KIAA0232: variants seen among roughly 807,000 people sequenced by gnomAD.
KIAA0232 encodes the protein KIAA0232, also known as uncharacterized protein KIAA0232.
In KIAA0232, 27 loss-of-function variants were observed where a neutral mutation model predicts 122.0. That is an observed-to-expected ratio of 0.22 (90% CI 0.16 to 0.31). The LOEUF is 0.31. Ranked by LOEUF, KIAA0232 falls within the 10% of genes least tolerant of loss-of-function variation. The pLI is 1.00. For missense variants in KIAA0232, 1,551 were observed against 1,634.2 expected (o/e 0.95, Z 0.88); for synonymous variants, 613 against 587.6 (o/e 1.04, Z -0.63).
At chr4:6,813,368 T>G (rs1435395573) in intron 2 of KIAA0232, among the ~76,000 whole-genome samples, 3 of 152,036 alleles carry the variant, frequency 2.0e-5, no homozygotes, top group Non-Finnish European at 4.4e-5. Context: ...TTTTTTTGTT[T>G]TTTGTTTTTT....
chr4:6,868,107 C>T lies in KIAA0232; in HGVS notation c.3802-3467C>T, dbSNP rs538815837. ...TAAAACTAAAACCAAGCACCTTTCT[C>T]TTTACCCAAACTAGGAGTATTCTGT... On this transcript the variant is annotated intron_variant, in intron 7 of 9. Coordinates refer to ENST00000307659, the MANE Select transcript of KIAA0232 (RefSeq NM_014743.3). Among the ~76,000 whole-genome samples, 13 of 152,344 alleles carry T rather than the reference C, an allele frequency of 8.5e-5. No homozygotes were observed. The South Asian group carries it at 2.5e-3, about 29-fold the overall frequency.
intron 7 of KIAA0232, among the ~76,000 whole-genome samples, chr4:6,865,914 A>G (rs745644035): frequency 3.3e-4 from 50 of 152,244 alleles, no homozygotes; most frequent in Non-Finnish European, 6.6e-4. Context: ...ATCCTGGACT[A>G]TAAGCTCCTT....
intron 2 of KIAA0232, among the ~76,000 whole-genome samples, chr4:6,821,729 TACC>T (rs1718436216): frequency 6.6e-6 from 1 of 151,980 alleles, no homozygotes. Context: ...TATATACATA[TACC>T]ACAATTTCTT....
chr4:6,853,012 A>G (rs1277919409), intron 4 of KIAA0232, among the ~76,000 whole-genome samples: 2 of 152,208 alleles, frequency 1.3e-5, no homozygotes, highest in Non-Finnish European at 2.9e-5. Flanking sequence ...TCTGACAGTT[A>G]CTTTCTGGAG....
intron 4 of KIAA0232, among the ~76,000 whole-genome samples, chr4:6,848,746 A>G (rs1489815308): frequency 1.3e-5 from 2 of 152,374 alleles, no homozygotes; most frequent in African/African-American, 2.4e-5. Context: ...CAATACAATG[A>G]TAACATTTAT....
chr4:6,860,812 A>C, intron 6 of KIAA0232, 89 bp from the exon 7 acceptor site: 1 of 1,114,466 alleles, frequency 9.0e-7, no homozygotes, highest in Non-Finnish European at 1.3e-6. Flanking sequence ...CTAAAATGAA[A>C]TATTCCATTC....
chr4:6,795,678 G>A (rs1453722504), intron 1 of KIAA0232, among the ~76,000 whole-genome samples: 1 of 152,074 alleles, frequency 6.6e-6, no homozygotes, highest in Non-Finnish European at 1.5e-5. Context: ...TTGCAGCCTT[G>A]GTCTCCCAGG....
chr4:6,788,667 C>T (rs767741370), intron 1 of KIAA0232, among the ~76,000 whole-genome samples: 23 of 152,126 alleles, frequency 1.5e-4, no homozygotes, highest in Non-Finnish European at 3.1e-4. Context: ...TTACATAGTA[C>T]TCATTTGTTA....
chr4:6,862,306 T>C lies in KIAA0232; in HGVS notation c.1924T>C (p.Ser642Pro), dbSNP rs1049661710. The stretch of plus-strand genomic sequence containing the variant: ...GCTCTTTTCAGATATTAATGAAGGA[T>C]CTGGTATAAACTCTTGTTTTTCAGT... ...QELFSDINEGSGINSCFSVFE... is the reference protein window; with the variant it reads ...QELFSDINEGPGINSCFSVFE... Residue 642 changes from serine to proline, a missense_variant, in exon 7 of 10, where the codon TCT becomes CCT. Physicochemically the swap from Ser to Pro is moderately conservative, Grantham distance 74. Transcript: ENST00000307659. The C allele has an allele frequency of 6.2e-7, 1 of 1,612,988 alleles. No homozygotes were observed. Among genetic ancestry groups the C allele is most frequent in the Non-Finnish European group, 8.5e-7 (1 of 1,179,066 alleles).
At chr4:6,807,145 C>G (rs1717666281) in intron 2 of KIAA0232, among the ~76,000 whole-genome samples, 1 of 152,040 alleles carries the variant, frequency 6.6e-6, no homozygotes, top group African/African-American at 2.4e-5. Flanking sequence ...AGTGTTGTTC[C>G]TGCCTCAGCT....
intron 3 of KIAA0232, among the ~76,000 whole-genome samples, chr4:6,841,799 A>G (rs911028248): frequency 6.6e-6 from 1 of 152,260 alleles, no homozygotes; most frequent in African/African-American, 2.4e-5. Flanking sequence ...GAAAGAAATC[A>G]AAGAAGACCT....
At chr4:6,815,873 A>G (rs1274718524) in intron 2 of KIAA0232, among the ~76,000 whole-genome samples, 11 of 152,194 alleles carry the variant, frequency 7.2e-5, no homozygotes, top group Non-Finnish European at 1.5e-5. Flanking sequence ...TGGGCGTTCA[A>G]TATGCTTTGC....
chr4:6,815,417 C>T (rs1002998109), intron 2 of KIAA0232, among the ~76,000 whole-genome samples: 7 of 152,204 alleles, frequency 4.6e-5, no homozygotes, highest in African/African-American at 1.7e-4. Context: ...CAAATGTTTA[C>T]CCCTCTACCA....
At chr4:6,795,427 C>T (rs1417972533) in intron 1 of KIAA0232, among the ~76,000 whole-genome samples, 1 of 152,096 alleles carries the variant, frequency 6.6e-6, no homozygotes, top group East Asian at 1.9e-4. Flanking sequence ...TGCGCTGTGT[C>T]AATTATGTAC....
chr4:6,796,142 T>C (rs1462560424), intron 1 of KIAA0232, among the ~76,000 whole-genome samples: 1 of 152,138 alleles, frequency 6.6e-6, no homozygotes, highest in Non-Finnish European at 1.5e-5. Flanking sequence ...AGAAACTAGG[T>C]CTAATTAATA....
At chr4:6,870,077 C>T (rs541545704) in intron 7 of KIAA0232, among the ~76,000 whole-genome samples, 1 of 152,280 alleles carries the variant, frequency 6.6e-6, no homozygotes, top group East Asian at 1.9e-4. Context: ...AGGGGGTTGC[C>T]CTGACTGCCA....
intron 1 of KIAA0232, among the ~76,000 whole-genome samples, chr4:6,797,704 TGCAGTGA>T (rs1489598636): frequency 1.4e-5 from 2 of 146,688 alleles, no homozygotes; most frequent in African/African-American, 5.1e-5. Flanking sequence ...AATTCCAGGC[TGCAGTGA>T]GCCATGATTG....
intron 2 of KIAA0232, among the ~76,000 whole-genome samples, chr4:6,808,728 A>C (rs1361950750): frequency 6.6e-6 from 1 of 151,926 alleles, no homozygotes; most frequent in East Asian, 1.9e-4. Context: ...GTGTGATCTG[A>C]GTTGGTTTTT....
Position 6,823,673 on chromosome 4 carries a change from T to G in KIAA0232, c.-269-512T>G, listed in dbSNP as rs561703745. On this transcript the variant is annotated intron_variant, in intron 2 of 9. Coordinates refer to ENST00000307659, the MANE Select transcript of KIAA0232 (RefSeq NM_014743.3). ...ATATGAACTAGTGATTTATTAGTTG[T>G]TTTTCAGCATTACAGAAACAAAATT... Among the ~76,000 whole-genome samples, 383 of 152,176 alleles carry G rather than the reference T, an allele frequency of 2.5e-3. 2 individuals carry two copies. Among genetic ancestry groups the G allele is most frequent in the African/African-American group, 9.1e-3 (379 of 41,520 alleles).
Sources: allele counts gnomAD v4.1 joint callset (sites outside exome capture counted in the v4.1 genomes callset), GRCh38; gene constraint gnomAD v4.1.1; transcripts MANE v1.5; gene names NCBI Gene and HGNC (gene_info 2026-07-23, HGNC 2026-07-21).